The following ARIH1 variants were observed in gnomAD, a reference collection of about 807,000 sequenced individuals.
The protein encoded by ARIH1 is E3 ubiquitin-protein ligase ARIH1.
ARIH1 carries 8 observed loss-of-function variants against 85.0 expected under a neutral mutation model. That is an observed-to-expected ratio of 0.09 (90% confidence interval 0.06 to 0.17). The LOEUF is 0.17. ARIH1 is among the 10% of genes least tolerant of loss of function. The pLI is 1.00. For missense variants in ARIH1, 311 were observed against 718.1 expected (o/e 0.43, Z 6.48); for synonymous variants, 238 against 253.6 (o/e 0.94, Z 0.59).
intron 1 of ARIH1, among the ~76,000 whole-genome samples, chr15:72,494,539 C>G (rs1415234461): frequency 1.3e-5 from 2 of 152,112 alleles, no homozygotes; most frequent in East Asian, 3.8e-4. Context: ...TGGGGCTAGA[C>G]AGGCAGTGTG....
At chr15:72,544,199 A>T (rs1212143334) in intron 2 of ARIH1, among the ~76,000 whole-genome samples, 1 of 152,200 alleles carries the variant, frequency 6.6e-6, no homozygotes, top group Non-Finnish European at 1.5e-5. Context: ...TCAGTAAATT[A>T]AAAATATTTC....
At position 72,474,484 on chromosome 15, in the gene ARIH1, G is replaced by A; in HGVS notation, c.-156G>A. ...TCCCCGCCGCCACCAGCCGTCAAACGCCAACCGCCGCTCCTGGGGAGGAGC... is the reference window on the plus strand; with the variant it reads ...TCCCCGCCGCCACCAGCCGTCAAACACCAACCGCCGCTCCTGGGGAGGAGC... On this transcript the variant is annotated 5_prime_UTR_variant, in exon 1 of 14. Coordinates refer to ENST00000379887, the MANE Select transcript of ARIH1 (RefSeq NM_005744.5). 1 of 1,035,970 alleles carries A rather than the reference G, an allele frequency of 9.7e-7. No homozygotes were observed. The allele number at this position is 1,035,970 out of a possible 1,614,324, so 64.2% of individuals were successfully genotyped here.
At chr15:72,521,246 A>G (rs529622384) in intron 2 of ARIH1, among the ~76,000 whole-genome samples, 13 of 102,360 alleles carry the variant, frequency 1.3e-4, no homozygotes, top group East Asian at 3.2e-4. Context: ...GCATACCACT[A>G]TTTTTTTTCT....
Position 72,593,740 on chromosome 15 carries a change from ATCCT to A in ARIH1, c.*10454_*10457del, listed in dbSNP as rs1178734867. On this transcript the variant is annotated 3_prime_UTR_variant, in exon 14 of 14. Coordinates refer to ENST00000379887, the MANE Select transcript of ARIH1 (RefSeq NM_005744.5). Reference sequence around the variant, plus strand: ...TTCTAGTAAGTCTTTAAATTAGTAAATCCTTCCTTTTTGTTATTTTTCAAGATCG... The same window carrying A: ...TTCTAGTAAGTCTTTAAATTAGTAAATCCTTTTTGTTATTTTTCAAGATCG... 6.6e-6 allele frequency: 1 copy of A among 152,054 alleles called. No individual in the cohort carries two copies. The highest frequency in any genetic ancestry group is 2.4e-5 in the African/African-American group (1 of 41,400). 9.4% of individuals were successfully genotyped at this position (152,054 alleles called of 1,614,324 possible).
At chr15:72,502,430 A>G (rs80336812) in intron 1 of ARIH1, among the ~76,000 whole-genome samples, 4,652 of 152,324 alleles carry the variant, frequency 0.031, 113 homozygotes, top group East Asian at 0.12. Flanking sequence ...TCTCAGCAAA[A>G]TTTCAAATTG....
intron 2 of ARIH1, among the ~76,000 whole-genome samples, chr15:72,528,146 C>A (rs1334355330): frequency 6.6e-6 from 1 of 152,022 alleles, no homozygotes; most frequent in African/African-American, 2.4e-5. Context: ...TTTAAAAACT[C>A]ATTTCAGTTG....
chr15:72,578,417 C>T (rs907053644), intron 11 of ARIH1, among the ~76,000 whole-genome samples: 12 of 152,054 alleles, frequency 7.9e-5, no homozygotes, highest in East Asian at 3.9e-4. Flanking sequence ...TGCATCTTTA[C>T]GTTTGTTTAC....
intron 1 of ARIH1, among the ~76,000 whole-genome samples, chr15:72,508,720 GTCTC>G (rs1401459010): frequency 2.7e-5 from 4 of 146,500 alleles, no homozygotes; most frequent in East Asian, 2.0e-4. Context: ...TTGAGACGGA[GTCTC>G]TCTCTATCAC....
chr15:72,501,111 G>C (rs2063901696), intron 1 of ARIH1, among the ~76,000 whole-genome samples: 1 of 152,130 alleles, frequency 6.6e-6, no homozygotes, highest in Admixed American at 6.5e-5. Context: ...AATTGATAGA[G>C]AATGTACTGG....
At chr15:72,528,381 C>G (rs923848483) in intron 2 of ARIH1, among the ~76,000 whole-genome samples, 34 of 152,132 alleles carry the variant, frequency 2.2e-4, no homozygotes, top group Admixed American at 2.1e-3. Context: ...TGGGTAGGTA[C>G]TAGTGTTAAT....
chr15:72,475,306 C>T, intron 1 of ARIH1: 2 of 471,800 alleles, frequency 4.2e-6, no homozygotes, highest in East Asian at 5.0e-5. Context: ...AGTCCCTGGG[C>T]CGGGTGTCCT....
At chr15:72,543,092 C>A (rs927827306) in intron 2 of ARIH1, among the ~76,000 whole-genome samples, 4 of 151,838 alleles carry the variant, frequency 2.6e-5, no homozygotes, top group Admixed American at 1.3e-4. Flanking sequence ...GCCACCGCGC[C>A]CAGCTAATTT....
At position 72,474,592 on chromosome 15, in the gene ARIH1, C is replaced by T. The variant is rs112702555; in HGVS notation, c.-48C>T. 2 of 1,489,682 alleles carry T rather than the reference C, an allele frequency of 1.3e-6. No homozygotes were observed. The highest frequency in any genetic ancestry group is 2.9e-5 in the East Asian group (1 of 34,446). 92.3% of individuals were successfully genotyped at this position (1,489,682 alleles called of 1,614,324 possible). On this transcript the variant is annotated 5_prime_UTR_variant, in exon 1 of 14. Transcript: ENST00000379887. ...AGAGCCGGGGCCTCGGCGTCCCCGCCCTCTCCCCGCCTCGGCCAGCGTCCG... is the reference window on the plus strand; with the variant it reads ...AGAGCCGGGGCCTCGGCGTCCCCGCTCTCTCCCCGCCTCGGCCAGCGTCCG...
At chr15:72,538,567 A>T (rs368226530) in intron 2 of ARIH1, among the ~76,000 whole-genome samples, 3 of 152,350 alleles carry the variant, frequency 2.0e-5, no homozygotes, top group East Asian at 1.9e-4. Flanking sequence ...GTCACTCAGG[A>T]TTCAAGAAGA....
In ARIH1 at chr15:72,597,250, G is replaced by A. The variant is rs1223397608; in HGVS notation, c.*13958G>A. 1 of 151,074 alleles carries A rather than the reference G, an allele frequency of 6.6e-6. No individual in the cohort carries two copies. Among genetic ancestry groups the A allele is most frequent in the Non-Finnish European group, 1.5e-5 (1 of 67,914 alleles). The allele number at this position is 151,074 out of a possible 1,614,324, so 9.4% of individuals were successfully genotyped here. A position where few individuals can be genotyped will look rare whatever the true frequency, so the allele number is the denominator to read the frequency against. On this transcript the variant is annotated 3_prime_UTR_variant, in exon 14 of 14. Transcript: ENST00000379887. ...TGGGGCTTCACTGCAGTTTTAGTTT[G>A]ATTCAGTTTGCCTCTAGCTTCAAAT...
intron 4 of ARIH1, 77 bp downstream of exon 4, chr15:72,555,440 TAAA>T: frequency 1.0e-6 from 1 of 979,948 alleles, no homozygotes; most frequent in Non-Finnish European, 1.6e-6. Context: ...TTTGCACAAA[TAAA>T]AACAGGTGAA....
chr15:72,501,615 G>A (rs770815105), intron 1 of ARIH1, among the ~76,000 whole-genome samples: 11 of 152,312 alleles, frequency 7.2e-5, no homozygotes, highest in Middle Eastern at 3.4e-3. Context: ...TGTGTGTTTG[G>A]TGGAACATTT....
rs969427563 is a variant in ARIH1 at position 72,546,283 on chromosome 15, G to A, written c.588+1319G>A. ...TGTGTATCTCTAATGGGGTCCATTT[G>A]TGGGGAGTTAACTTGTTCACATGTA... is the stretch of plus-strand genomic sequence containing the variant. On this transcript the variant is annotated intron_variant, in intron 3 of 13. Transcript: ENST00000379887. Among the ~76,000 whole-genome samples the A allele has an allele frequency of 3.3e-5, 5 of 152,302 alleles. No homozygotes were observed. The East Asian group carries it at 5.8e-4, about 18-fold the overall frequency.
chr15:72,503,819 G>A (rs571054584), intron 1 of ARIH1, among the ~76,000 whole-genome samples: 7 of 152,324 alleles, frequency 4.6e-5, no homozygotes, highest in African/African-American at 7.2e-5. Context: ...AAGTGAATGC[G>A]GGATCTGGCT....
Sources: allele counts gnomAD v4.1 joint callset (sites outside exome capture counted in the v4.1 genomes callset), GRCh38; gene constraint gnomAD v4.1.1; transcripts MANE v1.5; gene names NCBI Gene and HGNC (gene_info 2026-07-23, HGNC 2026-07-21).